MLLT3: variants seen among roughly 807,000 people sequenced by gnomAD.
MLLT3 encodes the protein protein AF-9.
Under a neutral mutation model 53.2 loss-of-function variants are expected in MLLT3, and 4 were observed. The ratio of observed to expected loss-of-function variants is 0.08; its 90% confidence interval spans 0.04 to 0.17. MLLT3 has a LOEUF of 0.17. Ranked by LOEUF, MLLT3 falls within the 10% of genes least tolerant of loss-of-function variation. The pLI, the probability that MLLT3 is intolerant of heterozygous loss-of-function variation, is 1.00. For missense variants in MLLT3, 569 were observed against 684.0 expected, an observed-to-expected ratio of 0.83 and a Z score of 1.87; for synonymous variants, 283 against 230.6, an observed-to-expected ratio of 1.23 and a Z score of -2.06.
chr9:20,556,157 A>G (rs1446592519), intron 2 of MLLT3, among the ~76,000 whole-genome samples: 1 of 152,246 alleles, frequency 6.6e-6, no homozygotes, highest in Non-Finnish European at 1.5e-5. Context: ...ATGTATAAAC[A>G]GAAATATTTT....
chr9:20,461,417 T>C (rs1187564873), intron 2 of MLLT3, among the ~76,000 whole-genome samples: 1 of 152,156 alleles, frequency 6.6e-6, no homozygotes, highest in Non-Finnish European at 1.5e-5. Context: ...CAAGGACTTT[T>C]AATTAGTTAG....
intron 2 of MLLT3, among the ~76,000 whole-genome samples, chr9:20,528,216 C>A (rs1818249164): frequency 6.6e-6 from 1 of 152,206 alleles, no homozygotes; most frequent in Non-Finnish European, 1.5e-5. Flanking sequence ...ATGGCTATAC[C>A]ACTGGGTGTG....
chr9:20,612,560 A>C (rs948113317), intron 2 of MLLT3, among the ~76,000 whole-genome samples: 1 of 152,192 alleles, frequency 6.6e-6, no homozygotes, highest in Non-Finnish European at 1.5e-5. Context: ...AAATGAGGCA[A>C]GATATTTTCA....
intron 5 of MLLT3, among the ~76,000 whole-genome samples, chr9:20,368,165 T>C (rs905227297): frequency 2.6e-5 from 4 of 152,200 alleles, no homozygotes; most frequent in Non-Finnish European, 4.4e-5. Flanking sequence ...GTACAAATGC[T>C]CTATAAGGTA....
intron 10 of MLLT3, among the ~76,000 whole-genome samples, chr9:20,351,320 C>G (rs904831210): frequency 1.3e-5 from 2 of 152,342 alleles, no homozygotes; most frequent in South Asian, 2.1e-4. Context: ...TTTCTTCCCC[C>G]AGACGTGGAT....
At chr9:20,459,657 A>G (rs1044073199) in intron 2 of MLLT3, among the ~76,000 whole-genome samples, 2 of 152,216 alleles carry the variant, frequency 1.3e-5, no homozygotes, top group African/African-American at 2.4e-5. Context: ...TTCTGAATGC[A>G]AATTGCTCCT....
chr9:20,512,727 C>T (rs1211344987), intron 2 of MLLT3, among the ~76,000 whole-genome samples: 2 of 152,146 alleles, frequency 1.3e-5, no homozygotes, highest in African/African-American at 4.8e-5. Flanking sequence ...TCCCAGAAGT[C>T]AGTAACTGAA....
chr9:20,454,957 A>G (rs2118858081), intron 3 of MLLT3, among the ~76,000 whole-genome samples: 1 of 152,356 alleles, frequency 6.6e-6, no homozygotes, highest in South Asian at 2.1e-4. Flanking sequence ...ACATAAAACC[A>G]AAATGAGGTA....
At chr9:20,457,825 A>G (rs1035325199) in intron 2 of MLLT3, among the ~76,000 whole-genome samples, 1 of 152,216 alleles carries the variant, frequency 6.6e-6, no homozygotes, top group Admixed American at 6.5e-5. Flanking sequence ...TCATTCCACT[A>G]AAATTTCAAT....
chr9:20,383,431 T>G (rs1208130738), intron 5 of MLLT3, among the ~76,000 whole-genome samples: 1 of 151,854 alleles, frequency 6.6e-6, no homozygotes, highest in African/African-American at 2.4e-5. Context: ...TCAAACCTGG[T>G]TTGAATCTCA....
rs541484396 is a variant in MLLT3 at position 20,452,887 on chromosome 9, T to C, written c.276+3817A>G. Among the ~76,000 whole-genome samples the C allele has an allele frequency of 8.7e-4, 132 of 152,298 alleles. 1 individual carries two copies. Among genetic ancestry groups the C allele is most frequent in the Middle Eastern group, 3.4e-3 (1 of 294 alleles). ...GAGAGGAAAATGAATTGTCAATCAATAGGCATTAAGTTTCAATTAAGTAAG... is the reference window on the plus strand; with the variant it reads ...GAGAGGAAAATGAATTGTCAATCAACAGGCATTAAGTTTCAATTAAGTAAG... On this transcript the variant is annotated intron_variant, in intron 3 of 10. Coordinates refer to ENST00000380338, the MANE Select transcript of MLLT3 (RefSeq NM_004529.4).
chr9:20,483,308 C>T (rs1824715595), intron 2 of MLLT3, among the ~76,000 whole-genome samples: 1 of 151,792 alleles, frequency 6.6e-6, no homozygotes, highest in African/African-American at 2.4e-5. Flanking sequence ...AGTCATGGCT[C>T]ACTATAGCCT....
intron 2 of MLLT3, among the ~76,000 whole-genome samples, chr9:20,541,061 G>C (rs1422874317): frequency 6.6e-6 from 1 of 152,128 alleles, no homozygotes. Flanking sequence ...TCTAGGGCAG[G>C]GGTAAAATGC....
intron 5 of MLLT3, 139 bp from the exon 6 acceptor site, chr9:20,365,883 G>A (rs987105002): frequency 6.7e-5 from 52 of 770,892 alleles, no homozygotes; most frequent in Admixed American, 1.3e-4. Flanking sequence ...TAACACAGGA[G>A]AGTCATGTTG....
intron 4 of MLLT3, among the ~76,000 whole-genome samples, chr9:20,444,169 G>T (rs1011208739): frequency 6.6e-6 from 1 of 152,090 alleles, no homozygotes; most frequent in African/African-American, 2.4e-5. Context: ...AAAGTGATAA[G>T]GGAATAGAGA....
intron 2 of MLLT3, among the ~76,000 whole-genome samples, chr9:20,538,689 T>A (rs1373908784): frequency 6.6e-6 from 1 of 152,158 alleles, no homozygotes; most frequent in African/African-American, 2.4e-5. Flanking sequence ...ATTAAAGAAG[T>A]AAGGCATTAC....
At chr9:20,531,940 T>G (rs1818349422) in intron 2 of MLLT3, among the ~76,000 whole-genome samples, 1 of 151,910 alleles carries the variant, frequency 6.6e-6, no homozygotes, top group Non-Finnish European at 1.5e-5. Context: ...CTAAAAATTT[T>G]CATTTTAGTT....
intron 2 of MLLT3, among the ~76,000 whole-genome samples, chr9:20,460,703 A>G (rs1406428928): frequency 6.6e-6 from 1 of 152,248 alleles, no homozygotes; most frequent in Non-Finnish European, 1.5e-5. Flanking sequence ...TGTCAAATTT[A>G]ACTTTTAAAA....
At chr9:20,443,530 CAG>C (rs955231924) in intron 4 of MLLT3, among the ~76,000 whole-genome samples, 1 of 152,162 alleles carries the variant, frequency 6.6e-6, no homozygotes, top group African/African-American at 2.4e-5. Context: ...AAAATACAAA[CAG>C]AGTGCCAACA....
Sources: gnomAD v4.1 joint callset for allele counts (sites outside exome capture counted in the v4.1 genomes callset) on GRCh38, gnomAD v4.1.1 for gene constraint, MANE v1.5 for transcripts, NCBI Gene and HGNC (gene_info 2026-07-23, HGNC 2026-07-21) for gene names.